The following DSC3 variants were observed in gnomAD, a reference collection of about 807,000 sequenced individuals.
DSC3 encodes desmocollin 3.
DSC3 carries 97 observed loss-of-function variants against 89.5 expected under a neutral mutation model. That is an observed-to-expected ratio of 1.08 (90% CI 0.92 to 1.28). The LOEUF is 1.28. DSC3 is among the 50% of genes most tolerant of loss of function. The pLI, the probability that DSC3 is intolerant of heterozygous loss-of-function variation, is 0.00. For synonymous variants in DSC3, 436 were observed against 384.1 expected, an observed-to-expected ratio of 1.14 and a Z score of -1.58; for missense variants, 1,199 against 1,085.3, an observed-to-expected ratio of 1.10 and a Z score of -1.47.
At chr18:30,999,047 T>A (rs943082986) in intron 14 of DSC3, among the ~76,000 whole-genome samples, 1 of 152,150 alleles carries the variant, frequency 6.6e-6, no homozygotes, top group Non-Finnish European at 1.5e-5. Flanking sequence ...GAAAAAGTCT[T>A]CATTAAACAT....
At position 31,022,335 on chromosome 18, in the gene DSC3, C is replaced by A. The variant is rs756609057; in HGVS notation, c.942+1G>T. Reference sequence around the variant, plus strand: ...GAAATTCTATGGAGTGTGTGAGCTACCTCTCTGTCCAAATAATGAGAGACT... The same window carrying A: ...GAAATTCTATGGAGTGTGTGAGCTAACTCTCTGTCCAAATAATGAGAGACT... On this transcript the variant is annotated splice_donor_variant, in intron 7 of 15. Coordinates refer to ENST00000360428, the MANE Select transcript of DSC3 (RefSeq NM_001941.5). LOFTEE classifies it high-confidence loss of function. The A allele has an allele frequency of 4.3e-5, 69 of 1,613,780 alleles. No homozygotes were observed. Among genetic ancestry groups the A allele is most frequent in the Non-Finnish European group, 5.3e-5 (63 of 1,179,898 alleles).
At position 31,004,348 on chromosome 18, in the gene DSC3, GA is replaced by G; in HGVS notation, c.1906del (p.Ser636HisfsTer17). On this transcript the variant is annotated frameshift_variant, in exon 13 of 16. Transcript: ENST00000360428. LOFTEE classifies it high-confidence loss of function. Reference sequence around the variant, plus strand: ...TTGAAATCCAGCATTTTTCTGATATGAAAGACGGGCAGCTGTATCTGAAAGA... The same window carrying G: ...TTGAAATCCAGCATTTTTCTGATATGAAGACGGGCAGCTGTATCTGAAAGA... ...TKVNDTAARLSYQKNAGFQEY... is the reference protein window; with the variant it reads ...TKVNDTAARLXYQKNAGFQEY... 1 of 1,613,790 alleles carries G rather than the reference GA, an allele frequency of 6.2e-7. No homozygotes were observed. Among genetic ancestry groups the G allele is most frequent in the Non-Finnish European group, 8.5e-7 (1 of 1,179,808 alleles).
At position 31,036,798 on chromosome 18, in the gene DSC3, C is replaced by CTTTTTTTTTTTTTTTTTT. The variant is rs775187201; in HGVS notation, c.70-4523_70-4522insAAAAAAAAAAAAAAAAAA. Among the ~76,000 whole-genome samples the CTTTTTTTTTTTTTTTTTT allele has an allele frequency of 6.9e-3, 737 of 106,996 alleles. 53 individuals carry two copies. The highest frequency in any genetic ancestry group is 0.019 in the East Asian group (41 of 2,160). 70.2% of individuals were successfully genotyped at this position (106,996 alleles called of 152,430 possible). On this transcript the variant is annotated intron_variant, in intron 1 of 15. Transcript: ENST00000360428. ...TATTTCCTTTTTGCTTTCTTTCTTC[C>CTTTTTTTTTTTTTTTTTT]TTTTTTTTTTTTGAGATGGAATCTT...
At chr18:31,021,146 T>G (rs1350641600) in intron 7 of DSC3, among the ~76,000 whole-genome samples, 1 of 152,016 alleles carries the variant, frequency 6.6e-6, no homozygotes, top group East Asian at 1.9e-4. Context: ...GGTAGATTTT[T>G]TTCTTCATCA....
At position 31,025,807 on chromosome 18, in the gene DSC3, G is replaced by C; in HGVS notation, c.583C>G (p.Leu195Val). 4 of 1,613,208 alleles carry C rather than the reference G, an allele frequency of 2.5e-6. No homozygotes were observed. The highest frequency in any genetic ancestry group is 3.4e-6 in the Non-Finnish European group (4 of 1,179,410). ...CGATCCACAGGCCGAGTGCAAAATA[G>C]ATTTCCAGTGTCTCTTTCTATATAA... The part of the protein sequence containing the change: ...LFYIERDTGN[L>V]FCTRPVDREE... The change falls in exon 5 of 16, where the codon CTA (leucine) becomes GTA (valine). Residue 195 changes from leucine to valine, a missense_variant. Leu to Val is a conservative substitution (Grantham distance 32). Coordinates refer to ENST00000360428, the MANE Select transcript of DSC3 (RefSeq NM_001941.5).
At chr18:31,020,892 T>C (rs1256185260) in intron 7 of DSC3, among the ~76,000 whole-genome samples, 1 of 152,136 alleles carries the variant, frequency 6.6e-6, no homozygotes. Context: ...CAGTGCACCA[T>C]GTCTGTGCCA....
Position 31,035,811 on chromosome 18 carries a change from C to T in DSC3, c.70-3535G>A, listed in dbSNP as rs565906727. 2.6e-5 allele frequency among the ~76,000 whole-genome samples: 4 copies of T among 152,192 alleles called. No homozygotes were observed. The East Asian group carries it at 7.7e-4, about 29-fold the overall frequency. On this transcript the variant is annotated intron_variant, in intron 1 of 15. Coordinates refer to ENST00000360428, the MANE Select transcript of DSC3 (RefSeq NM_001941.5). Reference sequence around the variant, plus strand: ...GCTCTATTATATTTCCAACTCTTCTCCAGGGAATAGAGTTTTCAGAAGTTA... The same window carrying T: ...GCTCTATTATATTTCCAACTCTTCTTCAGGGAATAGAGTTTTCAGAAGTTA...
intron 14 of DSC3, 134 bp downstream of exon 14, chr18:31,001,484 G>T: frequency 2.0e-6 from 2 of 997,718 alleles, no homozygotes; most frequent in Non-Finnish European, 2.9e-6. Flanking sequence ...TATGAATATT[G>T]ACAGACAATA....
chr18:31,028,396 C>T (rs1432576589), intron 4 of DSC3, among the ~76,000 whole-genome samples: 1 of 152,100 alleles, frequency 6.6e-6, no homozygotes, highest in African/African-American at 2.4e-5. Flanking sequence ...AAGATGGTGA[C>T]TGGTTTTGCA....
At chr18:31,029,403 CT>C (rs1328641005) in intron 4 of DSC3, 105 bp downstream of exon 4, 2 of 1,443,072 alleles carry the variant, frequency 1.4e-6, no homozygotes, top group East Asian at 4.7e-5. Context: ...TCATGAACAT[CT>C]TTAATCAGAT....
chr18:31,030,956 T>G lies in DSC3; in HGVS notation c.354+17A>C, dbSNP rs775300106. 3 of 1,607,120 alleles carry G rather than the reference T, an allele frequency of 1.9e-6. No homozygotes were observed. ...TAATGAAAAAATGACTGAAAATATT[T>G]AATGTACTTTAAATACCTTCTTCTG... is the stretch of plus-strand genomic sequence containing the variant. On this transcript the variant is annotated intron_variant, in intron 3 of 15. Coordinates refer to ENST00000360428, the MANE Select transcript of DSC3 (RefSeq NM_001941.5).
intron 7 of DSC3, among the ~76,000 whole-genome samples, chr18:31,020,407 G>A (rs969811502): frequency 6.6e-6 from 1 of 152,170 alleles, no homozygotes; most frequent in African/African-American, 2.4e-5. Context: ...GTTTTAACAA[G>A]TGCCAGCAAT....
At chr18:31,001,593 A>G (rs1286032460) in intron 14 of DSC3, 25 bp downstream of exon 14, 2 of 1,606,076 alleles carry the variant, frequency 1.2e-6, no homozygotes, top group Admixed American at 3.3e-5. Context: ...AGATACAAAT[A>G]CATATTTATT....
At chr18:31,012,048 A>T (rs1008501429) in intron 9 of DSC3, among the ~76,000 whole-genome samples, 9 of 151,730 alleles carry the variant, frequency 5.9e-5, no homozygotes, top group Non-Finnish European at 4.4e-5. Flanking sequence ...AAAGAATAAG[A>T]TACTTTCAAA....
Position 31,008,389 on chromosome 18 carries a change from T to A in DSC3, c.1400A>T (p.Glu467Val). ...GGCTGCAGGAGTGCATTCAGGCCCC[T>A]CATCCAGATCCCTCACATGAACTGT... ...LVTVHVRDLD[E>V]GPECTPAAQY... The change falls in exon 10 of 16, where the codon GAG becomes GTG. Residue 467 changes from glutamate to valine, a missense_variant. Transcript: ENST00000360428. The A allele has an allele frequency of 6.2e-7, 1 of 1,614,170 alleles. No homozygotes were observed. Among genetic ancestry groups the A allele is most frequent in the Non-Finnish European group, 8.5e-7 (1 of 1,180,018 alleles).
chr18:31,030,954 T>C lies in DSC3; in HGVS notation c.354+19A>G. 2 of 1,605,964 alleles carry C rather than the reference T, an allele frequency of 1.2e-6. No homozygotes were observed. The highest frequency in any genetic ancestry group is 1.7e-5 in the Admixed American group (1 of 59,998). ...TTTAATGAAAAAATGACTGAAAATA[T>C]TTAATGTACTTTAAATACCTTCTTC... On this transcript the variant is annotated intron_variant, in intron 3 of 15. Transcript: ENST00000360428.
chr18:31,032,290 G>C lies in DSC3; in HGVS notation c.70-14C>G. On this transcript the variant is annotated splice_polypyrimidine_tract_variant and intron_variant, in intron 1 of 15. Transcript: ENST00000360428. ...ACGACTGAAGATCTAGAATTTAAAA[G>C]GTCACATTAATACAGTAGAAAATAA... 1.3e-6 allele frequency: 2 copies of C among 1,582,678 alleles called. No homozygotes were observed. The highest frequency in any genetic ancestry group is 1.7e-6 in the Non-Finnish European group (2 of 1,151,746).
chr18:31,009,996 A>T (rs1273900756), intron 9 of DSC3, among the ~76,000 whole-genome samples: 2 of 152,246 alleles, frequency 1.3e-5, no homozygotes, highest in Non-Finnish European at 2.9e-5. Flanking sequence ...ATTATGTTAC[A>T]CTGTACTATA....
intron 14 of DSC3, 73 bp downstream of exon 14, chr18:31,001,545 T>G (rs1984658701): frequency 2.6e-6 from 4 of 1,539,236 alleles, no homozygotes; most frequent in Non-Finnish European, 1.8e-6. Context: ...AACTCCTAAA[T>G]TTTGAAATGA....
Sources: gnomAD v4.1 joint callset for allele counts (sites outside exome capture counted in the v4.1 genomes callset) on GRCh38, gnomAD v4.1.1 for gene constraint, MANE v1.5 for transcripts, NCBI Gene and HGNC (gene_info 2026-07-23, HGNC 2026-07-21) for gene names.